Variants in STK32B observed in about 807,000 individuals in gnomAD.
STK32B encodes serine/threonine-protein kinase 32B.
A neutral mutation model predicts 52.6 loss-of-function variants in STK32B; 43 were observed. The ratio of observed to expected loss-of-function variants is 0.82; its 90% CI spans 0.64 to 1.05. STK32B has a LOEUF of 1.05. Among genes scored for constraint, STK32B ranks in the 50% least tolerant of loss-of-function variants. The probability of loss-of-function intolerance (pLI) is 0.00; values close to 1 mark genes in which losing one functional copy is unlikely to be tolerated. For missense variants in STK32B, 621 were observed against 534.6 expected (o/e 1.16, Z -1.59); for synonymous variants, 238 against 204.3 (o/e 1.17, Z -1.41).
chr4:5,273,977 A>C (rs1415614716), intron 3 of STK32B, among the ~76,000 whole-genome samples: 1 of 151,604 alleles, frequency 6.6e-6, no homozygotes, highest in Non-Finnish European at 1.5e-5. Flanking sequence ...TGTACCCTAA[A>C]ACTTAAAGTA....
chr4:5,455,190 C>T (rs1716386776), intron 7 of STK32B, among the ~76,000 whole-genome samples: 1 of 152,252 alleles, frequency 6.6e-6, no homozygotes, highest in Non-Finnish European at 1.5e-5. Flanking sequence ...CTCCAGGGAA[C>T]TGTAGCCCTA....
At chr4:5,452,507 A>G (rs1459997947) in intron 7 of STK32B, among the ~76,000 whole-genome samples, 1 of 152,140 alleles carries the variant, frequency 6.6e-6, no homozygotes, top group Non-Finnish European at 1.5e-5. Flanking sequence ...AGTGTTTTCA[A>G]GCTGTGCTTC....
At chr4:5,175,304 G>A (rs1429900244) in intron 3 of STK32B, among the ~76,000 whole-genome samples, 2 of 151,968 alleles carry the variant, frequency 1.3e-5, no homozygotes, top group African/African-American at 4.8e-5. Context: ...CTCTCAACTC[G>A]TCAAAGTTAT....
chr4:5,345,637 T>A (rs1476901455), intron 4 of STK32B, among the ~76,000 whole-genome samples: 1 of 152,184 alleles, frequency 6.6e-6, no homozygotes, highest in East Asian at 1.9e-4. Context: ...GACCACAGTG[T>A]CTCCTGGAGG....
rs1737194944 is a variant in STK32B at position 5,400,128 on chromosome 4, T to TG, written c.472+1889dup. Among the ~76,000 whole-genome samples the TG allele has an allele frequency of 6.6e-6, 1 of 151,774 alleles. No individual in the cohort carries two copies. Among genetic ancestry groups the TG allele is most frequent in the South Asian group, 2.1e-4 (1 of 4,828 alleles). Reference sequence around the variant, plus strand: ...ATGAGGAAAAGTGACACAGAGAGTATGGGGGTAACCCAGGACTGCCTGGCT... The same window carrying TG: ...ATGAGGAAAAGTGACACAGAGAGTATGGGGGGTAACCCAGGACTGCCTGGCT... On this transcript the variant is annotated intron_variant, in intron 5 of 11. Transcript: ENST00000282908. This position sits in a 1 kb window ranked among gnomAD's most constrained non-coding sequence, Gnocchi z 6.1.
chr4:5,161,764 A>G (rs575385151), intron 2 of STK32B, among the ~76,000 whole-genome samples: 29 of 152,298 alleles, frequency 1.9e-4, no homozygotes, highest in Admixed American at 1.7e-3. Flanking sequence ...TCTTTCAGCG[A>G]ATTATTTGAG....
At chr4:5,409,050 A>T (rs1737856488) in intron 5 of STK32B, among the ~76,000 whole-genome samples, 1 of 152,064 alleles carries the variant, frequency 6.6e-6, no homozygotes, top group South Asian at 2.1e-4. Flanking sequence ...CACGGATGGG[A>T]TGACTAGACA....
chr4:5,477,062 A>G (rs1322614580), intron 11 of STK32B, among the ~76,000 whole-genome samples: 1 of 152,172 alleles, frequency 6.6e-6, no homozygotes, highest in Non-Finnish European at 1.5e-5. Context: ...TTAAGCCACC[A>G]AGTTTGCGGA....
Position 5,309,668 on chromosome 4 carries a change from A to G in STK32B, c.261-21552A>G, listed in dbSNP as rs145111434. 8.5e-5 allele frequency among the ~76,000 whole-genome samples: 13 copies of G among 152,288 alleles called. No homozygotes were observed. The East Asian group carries it at 2.5e-3, about 29-fold the overall frequency. ...CTCTTTAATGAATGGTGCCAAAAAT[A>G]CTGAATATTCATTTGCAGAAAATGA... is the stretch of plus-strand genomic sequence containing the variant. On this transcript the variant is annotated intron_variant, in intron 3 of 11. Transcript: ENST00000282908.
chr4:5,275,088 A>G (rs1431711238), intron 3 of STK32B, among the ~76,000 whole-genome samples: 3 of 152,144 alleles, frequency 2.0e-5, no homozygotes, highest in African/African-American at 7.2e-5. Context: ...GAGGCCAAGA[A>G]CCCCAGGTCA....
At chr4:5,248,156 G>A (rs1205980889) in intron 3 of STK32B, among the ~76,000 whole-genome samples, 1 of 152,202 alleles carries the variant, frequency 6.6e-6, no homozygotes, top group Non-Finnish European at 1.5e-5. Context: ...CATTTTATAA[G>A]TGAGAAAATG....
chr4:5,128,164 G>T (rs1433488251), intron 1 of STK32B, among the ~76,000 whole-genome samples: 1 of 152,208 alleles, frequency 6.6e-6, no homozygotes, highest in Non-Finnish European at 1.5e-5. Context: ...CCTTCACAGG[G>T]AGCATGGTCC....
chr4:5,431,272 A>T (rs1375552986), intron 6 of STK32B, among the ~76,000 whole-genome samples: 1 of 152,198 alleles, frequency 6.6e-6, no homozygotes, highest in Non-Finnish European at 1.5e-5. Context: ...GCTACATTAT[A>T]GCTTTTGGTT....
intron 11 of STK32B, among the ~76,000 whole-genome samples, chr4:5,494,269 T>TG (rs1720009620): frequency 1.3e-5 from 2 of 152,336 alleles, no homozygotes; most frequent in South Asian, 4.1e-4. Flanking sequence ...GCTCCTGTAT[T>TG]GGGTGCACAT....
chr4:5,279,774 T>C lies in STK32B; in HGVS notation c.261-51446T>C, dbSNP rs186966312. Reference sequence around the variant, plus strand: ...TCTTGTGTTTTGTGCACTCGCTGTCTCAACACCACGTGGAAGCCACCGAGG... The same window carrying C: ...TCTTGTGTTTTGTGCACTCGCTGTCCCAACACCACGTGGAAGCCACCGAGG... On this transcript the variant is annotated intron_variant, in intron 3 of 11. Coordinates refer to ENST00000282908, the MANE Select transcript of STK32B (RefSeq NM_018401.3). Among the ~76,000 whole-genome samples, 3 of 152,324 alleles carry C rather than the reference T, an allele frequency of 2.0e-5. No individual in the cohort carries two copies. In the East Asian group the frequency reaches 5.8e-4, roughly 29 times the overall value.
chr4:5,091,182 G>C lies in STK32B; in HGVS notation c.52+39267G>C, dbSNP rs1017257975. Among the ~76,000 whole-genome samples, 4 of 151,954 alleles carry C rather than the reference G, an allele frequency of 2.6e-5. No individual in the cohort carries two copies. The East Asian group carries it at 7.7e-4, about 29-fold the overall frequency. ...CCTTGGGCAAGTGCTTCTTACTGTT[G>C]ACTTCAAAAACACAGTAACAAAAAA... On this transcript the variant is annotated intron_variant, in intron 1 of 11. Coordinates refer to ENST00000282908, the MANE Select transcript of STK32B (RefSeq NM_018401.3).
chr4:5,388,579 C>T (rs1736404393), intron 4 of STK32B, among the ~76,000 whole-genome samples: 1 of 152,198 alleles, frequency 6.6e-6, no homozygotes, highest in African/African-American at 2.4e-5. Flanking sequence ...TATGCTACTA[C>T]CATGGCTCCA....
chr4:5,348,888 A>C (rs913877998), intron 4 of STK32B, among the ~76,000 whole-genome samples: 1 of 152,030 alleles, frequency 6.6e-6, no homozygotes, highest in African/African-American at 2.4e-5. Context: ...ATGGCACCTT[A>C]ACACTCCTTC....
intron 1 of STK32B, among the ~76,000 whole-genome samples, chr4:5,077,299 A>G (rs1452611708): frequency 2.0e-5 from 3 of 151,958 alleles, no homozygotes; most frequent in Non-Finnish European, 4.4e-5. Context: ...TACCTTGTCT[A>G]TCTCCTTGCT....
Sources: gnomAD v4.1 joint callset for allele counts (sites outside exome capture counted in the v4.1 genomes callset) on GRCh38, gnomAD v4.1.1 for gene constraint, Gnocchi (gnomAD v3.1) non-coding constraint, MANE v1.5 for transcripts, NCBI Gene and HGNC (gene_info 2026-07-23, HGNC 2026-07-21) for gene names.